PATJ: variants seen among roughly 807,000 people sequenced by gnomAD.
PATJ encodes PATJ crumbs cell polarity complex component.
In PATJ, 190 loss-of-function variants were observed where a neutral mutation model predicts 224.9. The observed-to-expected ratio is 0.84, with a 90% confidence interval of 0.75 to 0.95. The LOEUF (loss-of-function observed/expected upper bound fraction) is 0.95, where lower values mean the gene tolerates loss of function less well. PATJ is among the 40% of genes least tolerant of loss of function. The pLI is 0.00. For missense variants in PATJ, 2,121 were observed against 2,270.3 expected (o/e 0.93, Z 1.34); for synonymous variants, 769 against 820.3 (o/e 0.94, Z 1.07).
chr1:61,841,849 A>C (rs1005520285), intron 17 of PATJ, among the ~76,000 whole-genome samples: 4 of 152,126 alleles, frequency 2.6e-5, no homozygotes, highest in African/African-American at 9.7e-5. Context: ...TATTAACATC[A>C]AAGTACTGTA....
intron 27 of PATJ, among the ~76,000 whole-genome samples, chr1:61,943,430 A>G (rs1678132397): frequency 6.6e-6 from 1 of 152,320 alleles, no homozygotes; most frequent in Non-Finnish European, 1.5e-5. Flanking sequence ...AGCAAACGGC[A>G]TACCAGGAGA....
At chr1:61,767,761 C>A (rs577576592) in intron 4 of PATJ, among the ~76,000 whole-genome samples, 1 of 150,254 alleles carries the variant, frequency 6.7e-6, no homozygotes, top group South Asian at 2.1e-4. Flanking sequence ...ACTGCAACCT[C>A]CACCTCCTGG....
chr1:61,963,949 T>C (rs188033205), intron 27 of PATJ, among the ~76,000 whole-genome samples: 1 of 152,242 alleles, frequency 6.6e-6, no homozygotes, highest in African/African-American at 2.4e-5. Flanking sequence ...CTCTTGGAAC[T>C]ATTTTAAAAG....
At chr1:62,089,003 A>T (rs1301123552) in intron 33 of PATJ, among the ~76,000 whole-genome samples, 1 of 152,130 alleles carries the variant, frequency 6.6e-6, no homozygotes, top group Non-Finnish European at 1.5e-5. Flanking sequence ...GGGAAGTTAC[A>T]GTTTAAATTC....
At chr1:61,812,018 G>A (rs1043823207) in intron 14 of PATJ, among the ~76,000 whole-genome samples, 2 of 151,356 alleles carry the variant, frequency 1.3e-5, no homozygotes, top group Non-Finnish European at 1.5e-5. Flanking sequence ...CCGAGATCAC[G>A]CCACTGCACT....
chr1:62,063,945 A>G (rs1655971047), intron 31 of PATJ, among the ~76,000 whole-genome samples: 1 of 152,182 alleles, frequency 6.6e-6, no homozygotes, highest in African/African-American at 2.4e-5. Context: ...ATCATCAGTG[A>G]AGGCAGAGAA....
intron 37 of PATJ, chr1:62,117,547 C>T: frequency 3.4e-6 from 1 of 294,802 alleles, no homozygotes; most frequent in Non-Finnish European, 5.0e-6. Flanking sequence ...ATTTGACCCT[C>T]ATTAGCACAA....
chr1:61,769,220 GCAGA>G lies in PATJ; in HGVS notation c.385-58_385-55del, dbSNP rs956755338. ...TTTTATGCTAAGCAATTTCAGTTCT[GCAGA>G]CAGAGTATGTTGGCTAAATGTACAC... On this transcript the variant is annotated intron_variant, in intron 4 of 43. Transcript: ENST00000642238. The G allele has an allele frequency of 6.6e-6, 10 of 1,524,910 alleles. No individual in the cohort carries two copies. In the African/African-American group the frequency reaches 9.8e-5, roughly 15 times the overall value. The allele number at this position is 1,524,910 out of a possible 1,614,324, so 94.5% of individuals were successfully genotyped here.
chr1:61,778,860 C>G (rs1014544169), intron 7 of PATJ, among the ~76,000 whole-genome samples: 4 of 152,124 alleles, frequency 2.6e-5, no homozygotes, highest in Admixed American at 2.6e-4. Context: ...GCCACCATGC[C>G]TGGCTAATTT....
intron 15 of PATJ, among the ~76,000 whole-genome samples, chr1:61,826,651 A>G (rs191440554): frequency 6.6e-6 from 1 of 152,330 alleles, no homozygotes; most frequent in Non-Finnish European, 1.5e-5. Context: ...CAAAAGTAAT[A>G]TGAAATTTAG....
intron 27 of PATJ, among the ~76,000 whole-genome samples, chr1:61,942,214 T>C (rs1677924766): frequency 1.3e-5 from 2 of 152,216 alleles, no homozygotes; most frequent in Admixed American, 1.3e-4. Flanking sequence ...AAAAAATATA[T>C]GCTTTCAACT....
rs116579743 is a variant in PATJ at position 61,842,356 on chromosome 1, G to A, written c.2112+8571G>A. ...CAGGGATTTCATCGCTCTGGAATAC[G>A]AATGTGGCAAAAAATCCCATTGTGT... On this transcript the variant is annotated intron_variant, in intron 17 of 43. Coordinates refer to ENST00000642238, the MANE Select transcript of PATJ (RefSeq NM_001350145.3). Among the ~76,000 whole-genome samples, 492 of 152,296 alleles carry A rather than the reference G, an allele frequency of 3.2e-3. 3 individuals are homozygous for A. Among genetic ancestry groups the A allele is most frequent in the African/African-American group, 0.011 (474 of 41,568 alleles).
chr1:61,750,529 G>A (rs905231656), intron 1 of PATJ, among the ~76,000 whole-genome samples: 3 of 144,740 alleles, frequency 2.1e-5, no homozygotes, highest in Admixed American at 7.2e-5. Context: ...TCTGCCTCCC[G>A]GGTTCGGGTG....
At chr1:61,943,583 C>G (rs1040299689) in intron 27 of PATJ, among the ~76,000 whole-genome samples, 2 of 152,096 alleles carry the variant, frequency 1.3e-5, no homozygotes, top group Non-Finnish European at 2.9e-5. Flanking sequence ...ATGAAGCCGC[C>G]GGGAAGCTGG....
chr1:61,776,100 G>A (rs1399274075), intron 7 of PATJ, among the ~76,000 whole-genome samples: 1 of 152,154 alleles, frequency 6.6e-6, no homozygotes, highest in South Asian at 2.1e-4. Flanking sequence ...CAGCTTCAAG[G>A]CAAGTTCCTT....
At chr1:61,918,383 C>T (rs1673771865) in intron 26 of PATJ, among the ~76,000 whole-genome samples, 1 of 148,822 alleles carries the variant, frequency 6.7e-6, no homozygotes, top group South Asian at 2.2e-4. Flanking sequence ...CATCAGCTCA[C>T]TGCAACCTCC....
chr1:61,746,327 T>C (rs1645025026), intron 1 of PATJ, among the ~76,000 whole-genome samples: 1 of 152,124 alleles, frequency 6.6e-6, no homozygotes, highest in South Asian at 2.1e-4. Flanking sequence ...GTCCTCCCGA[T>C]TTGGCCTGTG....
intron 14 of PATJ, among the ~76,000 whole-genome samples, chr1:61,818,357 A>C (rs1237225944): frequency 6.6e-6 from 1 of 152,252 alleles, no homozygotes; most frequent in Admixed American, 6.5e-5. Flanking sequence ...TAAGCATCAA[A>C]AAGCATGACA....
At chr1:62,080,481 A>G (rs965625898) in intron 32 of PATJ, among the ~76,000 whole-genome samples, 7 of 151,852 alleles carry the variant, frequency 4.6e-5, no homozygotes, top group Non-Finnish European at 8.8e-5. Context: ...ACAGGTGCTC[A>G]CCACCATGCC....
Sources: gnomAD v4.1 joint callset for allele counts (sites outside exome capture counted in the v4.1 genomes callset) on GRCh38, gnomAD v4.1.1 for gene constraint, MANE v1.5 for transcripts, NCBI Gene and HGNC (gene_info 2026-07-23, HGNC 2026-07-21) for gene names.